Variants in TF observed in about 807,000 individuals in gnomAD.
TF encodes serotransferrin.
Under a neutral mutation model 82.4 loss-of-function variants are expected in TF, and 55 were observed. The observed-to-expected ratio is 0.67, with a 90% CI of 0.54 to 0.84. TF has a LOEUF of 0.84. TF is among the 40% of genes least tolerant of loss of function. The pLI is 0.00. For missense variants in TF, 737 were observed against 868.4 expected, an observed-to-expected ratio of 0.85 and a Z score of 1.90; for synonymous variants, 332 against 332.6, an observed-to-expected ratio of 1.00 and a Z score of 0.02.
At chr3:133,732,618 T>C in the TF span, among the ~76,000 whole-genome samples, 8 of 152,282 alleles carry the variant, frequency 5.3e-5, no homozygotes, top group East Asian at 1.5e-3. Flanking sequence ...TTATGAGCTG[T>C]AACAGTCATC....
the TF span, among the ~76,000 whole-genome samples, chr3:133,722,380 A>C: frequency 2.0e-5 from 3 of 152,026 alleles, no homozygotes; most frequent in Non-Finnish European, 4.4e-5. Context: ...TCTATCTTTT[A>C]ATTTGAGAAT....
chr3:133,775,187 C>T (rs1934354754), intron 14 of TF: 1 of 571,456 alleles, frequency 1.7e-6, no homozygotes, highest in Non-Finnish European at 3.1e-6. Flanking sequence ...GTAGTTCATT[C>T]TCACCTGGCT....
chr3:133,784,302 G>C lies in TF; in HGVS notation c.*5682G>C, dbSNP rs377471395. On this transcript the variant is annotated 3_prime_UTR_variant, in exon 17 of 17. Transcript: ENST00000402696. ...CCACCACCCTTTAGGAAGATTACTG[G>C]CTGTTTATAGAAGGCCCGTGTATAT... 4 of 152,162 alleles carry C rather than the reference G, an allele frequency of 2.6e-5. No individual in the cohort carries two copies. Among genetic ancestry groups the C allele is most frequent in the East Asian group, 1.9e-4 (1 of 5,186 alleles). 9.4% of individuals were successfully genotyped at this position (152,162 alleles called of 1,614,324 possible).
At chr3:133,770,764 C>T (rs1374077438) in intron 14 of TF, 192 bp downstream of exon 14, 3 of 668,236 alleles carry the variant, frequency 4.5e-6, no homozygotes, top group African/African-American at 3.6e-5. Flanking sequence ...TTATGGGGCC[C>T]CCAATGGCCC....
At position 133,757,007 on chromosome 3, in the gene TF, C is replaced by G. The variant is rs1933857604; in HGVS notation, c.868C>G (p.Gln290Glu). The change falls in exon 7 of 17, where the codon CAG becomes GAG. Residue 290 changes from glutamine (Q) to glutamate (E), a missense_variant and splice_region_variant. Coordinates refer to ENST00000402696, the MANE Select transcript of TF (RefSeq NM_001063.4). ...GATCTGGGAGCTTCTCAACCAGGCC[C>G]AGGTATCCCCACCTGCCATCCTCCC... ...DLIWELLNQAQEHFGKDKSKE... is the reference protein window; with the variant it reads ...DLIWELLNQAEEHFGKDKSKE... The G allele has an allele frequency of 6.2e-7, 1 of 1,614,070 alleles. No homozygotes were observed. Among genetic ancestry groups the G allele is most frequent in the African/African-American group, 1.3e-5 (1 of 74,928 alleles).
rs1296523388 is a variant in TF, at chr3:133,781,561, G to A, written c.*2941G>A. On this transcript the variant is annotated 3_prime_UTR_variant, in exon 17 of 17. Coordinates refer to ENST00000402696, the MANE Select transcript of TF (RefSeq NM_001063.4). ...AAAGAAGACATATTGCTTTGGATAG[G>A]AAGACTCAGTATTGTAAAGATGTCA... 22 of 152,042 alleles carry A rather than the reference G, an allele frequency of 1.4e-4. No homozygotes were observed. Among genetic ancestry groups the A allele is most frequent in the Non-Finnish European group, 1.5e-5 (1 of 68,010 alleles). The allele number at this position is 152,042 out of a possible 1,614,324, so 9.4% of individuals were successfully genotyped here.
the TF span, chr3:133,664,951 T>G: frequency 2.0e-5 from 3 of 151,982 alleles, no homozygotes; most frequent in African/African-American, 7.2e-5. Flanking sequence ...GCATGTTTAC[T>G]GAAAAAAAAA....
chr3:133,728,197 G>C, the TF span, among the ~76,000 whole-genome samples: 1 of 152,068 alleles, frequency 6.6e-6, no homozygotes, highest in Admixed American at 6.6e-5. Context: ...CTGAATGTTG[G>C]CCTGCCTTGC....
intron 13 of TF, among the ~76,000 whole-genome samples, chr3:133,770,210 A>C (rs1934225630): frequency 1.3e-5 from 2 of 152,156 alleles, no homozygotes; most frequent in South Asian, 4.1e-4. Flanking sequence ...GGGAGGCATC[A>C]CCTCACTGAA....
intron 14 of TF, chr3:133,775,084 G>C (rs1352653101): frequency 5.4e-6 from 2 of 369,276 alleles, no homozygotes; most frequent in East Asian, 6.6e-5. Flanking sequence ...ACCTGGCTTA[G>C]AGCGTCACAT....
chr3:133,750,458 T>TCCTCCTCTAC (rs11282027), intron 2 of TF, among the ~76,000 whole-genome samples: 114,866 of 151,702 alleles, frequency 0.76, 44,044 homozygotes, highest in East Asian at 0.96. Flanking sequence ...GCTGGGGTTT[T>TCCTCCTCTAC]CCGTGTCTTT....
At chr3:133,777,007 A>G (rs1352091290) in intron 15 of TF, 42 bp from the exon 16 acceptor site, 1 of 1,588,396 alleles carries the variant, frequency 6.3e-7, no homozygotes, top group Admixed American at 1.7e-5. Context: ...CCCAGCTGCT[A>G]AAGACCACAA....
At chr3:133,751,229 CTTT>C (rs59638732) in intron 2 of TF, among the ~76,000 whole-genome samples, 2 of 95,980 alleles carry the variant, frequency 2.1e-5, no homozygotes, top group African/African-American at 4.2e-5. Flanking sequence ...TAAGATTCCA[CTTT>C]TTTTTTTTTT....
chr3:133,756,727 C>T, intron 6 of TF, 104 bp from the exon 7 acceptor site: 1 of 1,452,788 alleles, frequency 6.9e-7, no homozygotes, highest in East Asian at 2.3e-5. Context: ...GTGCTCACTC[C>T]AGACCTCTCA....
At chr3:133,722,304 G>C in the TF span, among the ~76,000 whole-genome samples, 1 of 151,714 alleles carries the variant, frequency 6.6e-6, no homozygotes, top group Non-Finnish European at 1.5e-5. Context: ...GTCTATGTTT[G>C]TCTTTAATGG....
At chr3:133,724,224 T>G in the TF span, among the ~76,000 whole-genome samples, 1 of 152,230 alleles carries the variant, frequency 6.6e-6, no homozygotes, top group Non-Finnish European at 1.5e-5. Context: ...CCCTGAGGAA[T>G]TGCCACACTG....
the TF span, among the ~76,000 whole-genome samples, chr3:133,680,841 A>T: frequency 6.6e-6 from 1 of 152,204 alleles, no homozygotes; most frequent in African/African-American, 2.4e-5. Flanking sequence ...ACAGACCCAG[A>T]TGGTTCAAAT....
Position 133,777,068 on chromosome 3 carries a change from T to C in TF, c.1892T>C (p.Val631Ala). The C allele has an allele frequency of 6.2e-7, 1 of 1,614,166 alleles. No homozygotes were observed. The highest frequency in any genetic ancestry group is 8.5e-7 in the Non-Finnish European group (1 of 1,180,012). Residue 631 changes from valine (V) to alanine (A), a missense_variant, in exon 16 of 17, where the codon GTA becomes GCA. Val to Ala is a moderately conservative substitution (Grantham distance 64, BLOSUM62 0). Transcript: ENST00000402696. ...RQQQHLFGSN[V>A]TDCSGNFCLF... ...TGACAGCACCTATTTGGAAGCAACGTAACTGACTGCTCGGGCAACTTTTGT... is the reference window on the plus strand; with the variant it reads ...TGACAGCACCTATTTGGAAGCAACGCAACTGACTGCTCGGGCAACTTTTGT...
chr3:133,779,922 A>T lies in TF; in HGVS notation c.*1302A>T, dbSNP rs1030019300. On this transcript the variant is annotated 3_prime_UTR_variant, in exon 17 of 17. Coordinates refer to ENST00000402696, the MANE Select transcript of TF (RefSeq NM_001063.4). ...ATCTACCCAATCACATAAGCCATAAATAGAGGGGTGAAATTTCAGTTCGCC... is the reference window on the plus strand; with the variant it reads ...ATCTACCCAATCACATAAGCCATAATTAGAGGGGTGAAATTTCAGTTCGCC... 2.0e-5 allele frequency: 3 copies of T among 152,188 alleles called. No individual in the cohort carries two copies. Among genetic ancestry groups the T allele is most frequent in the African/African-American group, 7.2e-5 (3 of 41,436 alleles). 9.4% of individuals were successfully genotyped at this position (152,188 alleles called of 1,614,324 possible). A position where few individuals can be genotyped will look rare whatever the true frequency, so the allele number is the denominator to read the frequency against.
Sources: gnomAD v4.1 joint callset for allele counts (sites outside exome capture counted in the v4.1 genomes callset) on GRCh38, gnomAD v4.1.1 for gene constraint, MANE v1.5 for transcripts, NCBI Gene and HGNC (gene_info 2026-07-23, HGNC 2026-07-21) for gene names.